Variants in PAXIP1 observed in about 807,000 individuals in gnomAD.
The protein encoded by PAXIP1 is PAX-interacting protein 1.
PAXIP1 carries 19 observed loss-of-function variants against 140.6 expected under a neutral mutation model. The observed-to-expected ratio is 0.14, with a 90% CI of 0.09 to 0.20. PAXIP1 has a LOEUF of 0.20. Ranked by LOEUF, PAXIP1 falls within the 10% of genes least tolerant of loss-of-function variation. The pLI is 1.00. For synonymous variants in PAXIP1, 442 were observed against 444.6 expected (o/e 0.99, Z 0.07); for missense variants, 920 against 1,208.6 (o/e 0.76, Z 3.54).
At chr7:154,969,350 G>C (rs889074646) in intron 6 of PAXIP1, among the ~76,000 whole-genome samples, 11 of 152,210 alleles carry the variant, frequency 7.2e-5, no homozygotes, top group African/African-American at 2.7e-4. Flanking sequence ...ACCAAAATTT[G>C]AAACTACATC....
In PAXIP1 at chr7:154,968,666, TGCTGCTGGAGCTGGTGCTGCTGCA is replaced by T. The variant is rs1199782981; in HGVS notation, c.1511_1534del (p.Leu504_Gln511del). On this transcript the variant is annotated inframe_deletion, in exon 7 of 21. Coordinates refer to ENST00000404141, the MANE Select transcript of PAXIP1 (RefSeq NM_007349.4). ...CTGCTGCTGGAGCTGGGCAAGCTGC[TGCTGCTGGAGCTGGTGCTGCTGCA>T]GCTGATGGAACTGCTGCTGCAGGGC... 1.4e-6 allele frequency: 1 copy of T among 715,702 alleles called. No homozygotes were observed. The highest frequency in any genetic ancestry group is 1.8e-5 in the African/African-American group (1 of 57,042). 44.3% of individuals were successfully genotyped at this position (715,702 alleles called of 1,614,324 possible). A position where few individuals can be genotyped will look rare whatever the true frequency, so the allele number is the denominator to read the frequency against.
intron 6 of PAXIP1, among the ~76,000 whole-genome samples, chr7:154,969,616 C>T (rs1184063292): frequency 1.3e-5 from 2 of 152,212 alleles, no homozygotes; most frequent in African/African-American, 4.8e-5. Flanking sequence ...CAAACCTTCT[C>T]GCCACAGCTG....
chr7:154,961,451 A>C (rs978551357), intron 11 of PAXIP1, 76 bp downstream of exon 11: 10 of 1,247,272 alleles, frequency 8.0e-6, no homozygotes, highest in African/African-American at 3.0e-5. Flanking sequence ...ACATACTAAA[A>C]AAGGCACAAT....
intron 5 of PAXIP1, among the ~76,000 whole-genome samples, chr7:154,977,231 A>T (rs1248945245): frequency 6.6e-6 from 1 of 152,228 alleles, no homozygotes; most frequent in East Asian, 1.9e-4. Flanking sequence ...GGAAATAAAT[A>T]AAAAATGTTA....
At chr7:154,991,903 T>A (rs1810347174) in intron 3 of PAXIP1, among the ~76,000 whole-genome samples, 1 of 152,156 alleles carries the variant, frequency 6.6e-6, no homozygotes, top group African/African-American at 2.4e-5. Context: ...AATATCAGCT[T>A]AAAAATTCTA....
Position 154,954,249 on chromosome 7 carries a change from C to T in PAXIP1, c.2821+6G>A. 6.6e-7 allele frequency: 1 copy of T among 1,515,654 alleles called. No homozygotes were observed. Among genetic ancestry groups the T allele is most frequent in the Non-Finnish European group, 9.0e-7 (1 of 1,115,894 alleles). 93.9% of individuals were successfully genotyped at this position (1,515,654 alleles called of 1,614,324 possible). On this transcript the variant is annotated splice_donor_region_variant and intron_variant, in intron 16 of 20. Coordinates refer to ENST00000404141, the MANE Select transcript of PAXIP1 (RefSeq NM_007349.4). The surrounding 1 kb of genome is among the most constrained non-coding windows in gnomAD (Gnocchi z 5.1). The stretch of plus-strand genomic sequence containing the variant: ...TAAAAGCAAAGTTACTGGCGCTGCT[C>T]CTTACCAATGAACTTCTGACACCTG...
intron 16 of PAXIP1, among the ~76,000 whole-genome samples, chr7:154,952,894 T>C (rs1384507421): frequency 6.6e-6 from 1 of 151,524 alleles, no homozygotes; most frequent in Non-Finnish European, 1.5e-5. Flanking sequence ...TACAGAATCA[T>C]AAAATTTTAA....
chr7:154,969,598 C>CCTCA (rs1241850271), intron 6 of PAXIP1, among the ~76,000 whole-genome samples: 1 of 152,234 alleles, frequency 6.6e-6, no homozygotes, highest in Non-Finnish European at 1.5e-5. Flanking sequence ...TCGGGCTCAG[C>CCTCA]CTCACCTCAA....
At chr7:154,989,624 T>C (rs1810232367) in intron 4 of PAXIP1, among the ~76,000 whole-genome samples, 1 of 152,258 alleles carries the variant, frequency 6.6e-6, no homozygotes, top group Non-Finnish European at 1.5e-5. Context: ...TTGATTTTTT[T>C]CTAATAGTTT....
Position 154,968,656 on chromosome 7 carries a change from G to T in PAXIP1, c.1545C>A (p.Ala515=). 1.4e-6 allele frequency: 1 copy of T among 713,832 alleles called. No homozygotes were observed. The highest frequency in any genetic ancestry group is 2.6e-6 in the Non-Finnish European group (1 of 383,900). 44.2% of individuals were successfully genotyped at this position (713,832 alleles called of 1,614,324 possible). A position where few individuals can be genotyped will look rare whatever the true frequency, so the allele number is the denominator to read the frequency against. Residue 515 remains alanine (A), a synonymous_variant, in exon 7 of 21, where the codon GCC becomes GCA. Transcript: ENST00000404141. ...GCAGGCTGTGCTGCTGCTGGAGCTG[G>T]GCAAGCTGCTGCTGCTGGAGCTGGT... ...QQHQLQQQQL[A]QLQQQHSLLQ...
chr7:154,959,964 T>C lies in PAXIP1; in HGVS notation c.2435-31A>G, dbSNP rs371734595. 23 of 1,476,656 alleles carry C rather than the reference T, an allele frequency of 1.6e-5. No homozygotes were observed. In the African/African-American group the frequency reaches 2.2e-4, roughly 14 times the overall value. The allele number at this position is 1,476,656 out of a possible 1,614,324, so 91.5% of individuals were successfully genotyped here. On this transcript the variant is annotated intron_variant, in intron 12 of 20. Transcript: ENST00000404141. ...GAGAGAAACACATTATTTTTTATGA[T>C]AGATACGTTGTTTAAATAAAAAGGC...
chr7:154,980,343 CT>C (rs944531832), intron 5 of PAXIP1, among the ~76,000 whole-genome samples: 2 of 151,898 alleles, frequency 1.3e-5, no homozygotes, highest in African/African-American at 2.4e-5. Context: ...CAACATTAAT[CT>C]TTTTTTCGCA....
At chr7:154,995,341 C>T (rs1168959800) in intron 2 of PAXIP1, among the ~76,000 whole-genome samples, 1 of 152,138 alleles carries the variant, frequency 6.6e-6, no homozygotes, top group East Asian at 1.9e-4. Context: ...TGAATATCTC[C>T]CCCCAGGGAG....
intron 11 of PAXIP1, 147 bp downstream of exon 11, chr7:154,961,380 C>T (rs958602878): frequency 3.1e-6 from 2 of 639,852 alleles, no homozygotes; most frequent in African/African-American, 1.8e-5. Flanking sequence ...ACTAACATTA[C>T]TATATCATTG....
At chr7:154,990,194 A>C (rs1478503281) in intron 4 of PAXIP1, among the ~76,000 whole-genome samples, 2 of 151,854 alleles carry the variant, frequency 1.3e-5, no homozygotes, top group Non-Finnish European at 2.9e-5. Flanking sequence ...GGTGCGCACC[A>C]CCATTCCTGG....
Position 155,002,905 on chromosome 7 carries a change from G to C in PAXIP1, c.25C>G (p.Pro9Ala). Residue 9 changes from proline (P) to alanine (A), a missense_variant, in exon 1 of 21, where the codon CCT becomes GCT. Pro to Ala is a conservative substitution (Grantham distance 27). Around this residue, in one of 5 missense-constraint regions of PAXIP1, gnomAD observed 419 missense variants for 514.7 expected, o/e 0.81. Coordinates refer to ENST00000404141, the MANE Select transcript of PAXIP1 (RefSeq NM_007349.4). ...TTGACCTCCCTGAACATCTCCTCAGGAACTTTGGGCGCCTGGTCCGACATG... is the reference window on the plus strand; with the variant it reads ...TTGACCTCCCTGAACATCTCCTCAGCAACTTTGGGCGCCTGGTCCGACATG... MSDQAPKVPEEMFREVKYY... is the reference protein window; with the variant it reads MSDQAPKVAEEMFREVKYY... 7.2e-7 allele frequency: 1 copy of C among 1,382,662 alleles called. No individual in the cohort carries two copies. The allele number at this position is 1,382,662 out of a possible 1,614,324, so 85.6% of individuals were successfully genotyped here.
chr7:154,993,606 G>A, intron 3 of PAXIP1, 120 bp downstream of exon 3: 1 of 752,670 alleles, frequency 1.3e-6, no homozygotes, highest in Non-Finnish European at 2.2e-6. Context: ...AATATAAGAT[G>A]TAGACAAAAC....
intron 5 of PAXIP1, among the ~76,000 whole-genome samples, chr7:154,979,701 T>C (rs1290997595): frequency 6.6e-6 from 1 of 151,566 alleles, no homozygotes; most frequent in Non-Finnish European, 1.5e-5. Context: ...CCATTTTGGT[T>C]TTATAAATAG....
chr7:155,002,885 C>T lies in PAXIP1; in HGVS notation c.45G>A (p.Glu15=). Residue 15 remains glutamate (E), a synonymous_variant, in exon 1 of 21, where the codon GAG becomes GAA. Transcript: ENST00000404141. ...APKVPEEMFR[E]VKYYAVGDID... ...TGTCGCCCACCGCGTAATACTTGAC[C>T]TCCCTGAACATCTCCTCAGGAACTT... is the stretch of plus-strand genomic sequence containing the variant. The T allele has an allele frequency of 7.1e-7, 1 of 1,413,994 alleles. No homozygotes were observed. The highest frequency in any genetic ancestry group is 1.4e-5 in the South Asian group (1 of 74,002). 87.6% of individuals were successfully genotyped at this position (1,413,994 alleles called of 1,614,324 possible).
Sources: gnomAD v4.1 joint callset for allele counts (sites outside exome capture counted in the v4.1 genomes callset) on GRCh38, gnomAD v4.1.1 for gene constraint, gnomAD v4.1.1 regional missense constraint, Gnocchi (gnomAD v3.1) non-coding constraint, MANE v1.5 for transcripts, NCBI Gene and HGNC (gene_info 2026-07-23, HGNC 2026-07-21) for gene names.